The following SLC35B1 variants were observed in gnomAD, a reference collection of about 807,000 sequenced individuals.
SLC35B1 encodes the protein solute carrier family 35 member B1, also known as ATP/ADP exchanger ER.
SLC35B1 carries 27 observed loss-of-function variants against 36.6 expected under a neutral mutation model. That is an observed-to-expected ratio of 0.74 (90% CI 0.54 to 1.02). The LOEUF is 1.02. Among genes scored for constraint, SLC35B1 ranks in the 50% least tolerant of loss-of-function variants. The pLI is 0.00. For synonymous variants in SLC35B1, 162 were observed against 152.5 expected (o/e 1.06, Z -0.46); for missense variants, 321 against 383.2 (o/e 0.84, Z 1.35).
At chr17:49,705,088 C>G (rs368030264) in intron 5 of SLC35B1, 36 bp downstream of exon 5, 55 of 1,609,254 alleles carry the variant, frequency 3.4e-5, no homozygotes, top group Non-Finnish European at 4.6e-5. Context: ...GTTAAGTTTG[C>G]TGGAAAAGGG....
In SLC35B1 at chr17:49,703,220, G is replaced by A. The variant is rs914630828; in HGVS notation, c.730C>T (p.Leu244=). The A allele has an allele frequency of 9.3e-6, 15 of 1,613,948 alleles. No individual in the cohort carries two copies. The highest frequency in any genetic ancestry group is 1.7e-4 in the Middle Eastern group (1 of 6,060). ...AGGGCACTGGTCAGCCCAAAGAGCA[G>A]GATGTTATAGATGATGGCAGGGTAC... ...ERYPAIIYNI[L]LFGLTSALGQ... Residue 244 remains leucine, a synonymous_variant, in exon 7 of 9, where the codon CTG becomes TTG. Coordinates refer to ENST00000240333, the MANE Select transcript of SLC35B1 (RefSeq NM_005827.4).
In SLC35B1 at chr17:49,706,956, G is replaced by C. The variant is rs777956020; in HGVS notation, c.208+9C>G. On this transcript the variant is annotated intron_variant, in intron 2 of 8. Transcript: ENST00000240333. Reference sequence around the variant, plus strand: ...GGGGTACCCAACAAATTACTATCTGGGTACTCACAGATCTTGGCAAACACA... The same window carrying C: ...GGGGTACCCAACAAATTACTATCTGCGTACTCACAGATCTTGGCAAACACA... 6.3e-6 allele frequency: 10 copies of C among 1,598,274 alleles called. No individual in the cohort carries two copies. Among genetic ancestry groups the C allele is most frequent in the Non-Finnish European group, 8.6e-6 (10 of 1,165,748 alleles).
chr17:49,704,241 G>A lies in SLC35B1; in HGVS notation c.529-15C>T. 2 of 1,612,108 alleles carry A rather than the reference G, an allele frequency of 1.2e-6. No homozygotes were observed. Among genetic ancestry groups the A allele is most frequent in the South Asian group, 1.1e-5 (1 of 91,012 alleles). On this transcript the variant is annotated splice_polypyrimidine_tract_variant and intron_variant, in intron 5 of 8. Transcript: ENST00000240333. ...AGCGATAATAGCTGGGAAAGAAAGGGTGCAGCCTGCAGTGAAGTGGCCAAC... is the reference window on the plus strand; with the variant it reads ...AGCGATAATAGCTGGGAAAGAAAGGATGCAGCCTGCAGTGAAGTGGCCAAC...
intron 6 of SLC35B1, 165 bp downstream of exon 6, chr17:49,703,935 T>G (rs551627797): frequency 1.3e-6 from 1 of 749,520 alleles, no homozygotes; most frequent in East Asian, 2.8e-5. Flanking sequence ...CAAATCCTGC[T>G]GGTGCAGGTT....
chr17:49,702,627 G>A, intron 8 of SLC35B1: 1 of 455,452 alleles, frequency 2.2e-6, no homozygotes, highest in Non-Finnish European at 4.0e-6. Context: ...AGCTACTCCG[G>A]ATGCTGAGGC....
chr17:49,702,884 C>T lies in SLC35B1; in HGVS notation c.890G>A (p.Trp297Ter). Residue 297 changes from tryptophan (W) to a stop codon, truncating the protein, a stop_gained, in exon 8 of 9, where the codon TGG (tryptophan) becomes TAG (stop). Transcript: ENST00000240333. LOFTEE classifies it high-confidence loss of function. Reference protein sequence around the residue: ...LFANPISPMQWVGTVLVFLGL... With the variant: ...LFANPISPMQ ...CAGGAACACAAGCACAGTGCCCACCCACTGCATGGGGCTGATGGGATTGGC... is the reference window on the plus strand; with the variant it reads ...CAGGAACACAAGCACAGTGCCCACCTACTGCATGGGGCTGATGGGATTGGC... 6.2e-7 allele frequency: 1 copy of T among 1,614,172 alleles called. No individual in the cohort carries two copies. Among genetic ancestry groups the T allele is most frequent in the Non-Finnish European group, 8.5e-7 (1 of 1,180,028 alleles).
Position 49,706,927 on chromosome 17 carries a change from T to C in SLC35B1, c.208+38A>G, listed in dbSNP as rs754795178. On this transcript the variant is annotated intron_variant, in intron 2 of 8. Transcript: ENST00000240333. Reference sequence around the variant, plus strand: ...CCCAGCATACTGAGGGAACTTGGGGTGGTGGGGTACCCAACAAATTACTAT... The same window carrying C: ...CCCAGCATACTGAGGGAACTTGGGGCGGTGGGGTACCCAACAAATTACTAT... 4.1e-6 allele frequency: 6 copies of C among 1,452,084 alleles called. No individual in the cohort carries two copies. In the Admixed American group the frequency reaches 6.7e-5, roughly 16 times the overall value. 89.9% of individuals were successfully genotyped at this position (1,452,084 alleles called of 1,614,324 possible). A position where few individuals can be genotyped will look rare whatever the true frequency, so the allele number is the denominator to read the frequency against.
At chr17:49,707,511 C>G (rs1167139272) in intron 1 of SLC35B1, 19 of 1,484,566 alleles carry the variant, frequency 1.3e-5, no homozygotes, top group African/African-American at 4.3e-5. Context: ...GGAAAAACAG[C>G]TAAGAAAAGA....
chr17:49,703,372 A>C, intron 6 of SLC35B1, 78 bp from the exon 7 acceptor site: 1 of 876,764 alleles, frequency 1.1e-6, no homozygotes, highest in Non-Finnish European at 1.9e-6. Context: ...ACACACACAC[A>C]CACAGACACT....
chr17:49,706,107 T>G, intron 3 of SLC35B1, 97 bp downstream of exon 3: 1 of 1,248,946 alleles, frequency 8.0e-7, no homozygotes, highest in Non-Finnish European at 1.1e-6. Flanking sequence ...GTTATCTTTT[T>G]TTTTTTTTTT....
chr17:49,702,891 TG>T lies in SLC35B1; in HGVS notation c.882del (p.Met295CysfsTer61). ...ACAAGCACAGTGCCCACCCACTGCA[TG>T]GGGCTGATGGGATTGGCGAAGAGGA... ...SVILFANPIS[P>X]MQWVGTVLVF... On this transcript the variant is annotated frameshift_variant, in exon 8 of 9. Coordinates refer to ENST00000240333, the MANE Select transcript of SLC35B1 (RefSeq NM_005827.4). LOFTEE classifies it high-confidence loss of function. 6.2e-7 allele frequency: 1 copy of T among 1,614,132 alleles called. No homozygotes were observed. The highest frequency in any genetic ancestry group is 8.5e-7 in the Non-Finnish European group (1 of 1,180,014).
At position 49,703,302 on chromosome 17, in the gene SLC35B1, G is replaced by A. The variant is rs1265354364; in HGVS notation, c.656-8C>T. On this transcript the variant is annotated splice_polypyrimidine_tract_variant and splice_region_variant and intron_variant, in intron 6 of 8. Transcript: ENST00000240333. ...CCCCAGTGAACAGGATTCCTGAGAAGACATGTCAACAAATGTACGGCGCAT... is the reference window on the plus strand; with the variant it reads ...CCCCAGTGAACAGGATTCCTGAGAAAACATGTCAACAAATGTACGGCGCAT... 4 of 1,590,940 alleles carry A rather than the reference G, an allele frequency of 2.5e-6. No homozygotes were observed. Among genetic ancestry groups the A allele is most frequent in the Middle Eastern group, 1.7e-4 (1 of 6,040 alleles).
At position 49,706,302 on chromosome 17, in the gene SLC35B1, G is replaced by A. The variant is rs373638982; in HGVS notation, c.241C>T (p.Arg81Cys). ...GCAGCATAGAGCCAGCTCCGGGTAC[G>A]ATCCACCCTGGCAGTGTCAAAAAAC... The part of the protein sequence containing the change: ...IQFFDTARVD[R>C]TRSWLYAACS... The change falls in exon 3 of 9, where the codon CGT (arginine) becomes TGT (cysteine). Residue 81 changes from arginine to cysteine, a missense_variant. Physicochemically the swap from Arg to Cys is radical, Grantham distance 180. Coordinates refer to ENST00000240333, the MANE Select transcript of SLC35B1 (RefSeq NM_005827.4). 4.1e-6 allele frequency: 6 copies of A among 1,469,430 alleles called. No homozygotes were observed. Among genetic ancestry groups the A allele is most frequent in the Admixed American group, 2.1e-5 (1 of 48,084 alleles). The allele number at this position is 1,469,430 out of a possible 1,614,324, so 91.0% of individuals were successfully genotyped here.
At chr17:49,707,974 G>T, upstream of SLC35B1, 1 of 1,529,158 alleles carries the variant, frequency 6.5e-7, no homozygotes. Context: ...TGTCCAGCAG[G>T]GCCCAGCAGT....
rs1009782342 is a variant in SLC35B1, at chr17:49,707,931, G to A, written c.-98C>T. ...CTCCAGCCGGACATCGCCGACCGGC[G>A]GCAGGGGCCTCATAGGAGCTGCATG... On this transcript the variant is annotated 5_prime_UTR_variant, in exon 1 of 9. Coordinates refer to ENST00000240333, the MANE Select transcript of SLC35B1 (RefSeq NM_005827.4). The A allele has an allele frequency of 6.4e-6, 10 of 1,564,190 alleles. No individual in the cohort carries two copies. The highest frequency in any genetic ancestry group is 8.7e-6 in the Non-Finnish European group (10 of 1,154,418).
chr17:49,701,789 G>C (rs971622632), intron 8 of SLC35B1: 1 of 362,228 alleles, frequency 2.8e-6, no homozygotes, highest in Non-Finnish European at 5.2e-6. Context: ...AAATTTAAGA[G>C]TCAAAACTTC....
intron 5 of SLC35B1, 142 bp downstream of exon 5, chr17:49,704,982 G>C: frequency 1.4e-6 from 1 of 729,734 alleles, no homozygotes; most frequent in East Asian, 2.5e-5. Context: ...TAGAGTCAGG[G>C]GCCTGCAGCA....
intron 3 of SLC35B1, 151 bp downstream of exon 3, chr17:49,706,053 C>T: frequency 3.1e-6 from 4 of 1,300,444 alleles, no homozygotes; most frequent in Middle Eastern, 2.1e-4. Context: ...CACCACTAAA[C>T]GTAAGTTCTA....
intron 4 of SLC35B1, 160 bp from the exon 5 acceptor site, chr17:49,705,441 A>G (rs905294671): frequency 4.7e-5 from 33 of 700,308 alleles, no homozygotes; most frequent in East Asian, 2.2e-4. Context: ...TGGCACCTAG[A>G]TAAGGATTGA....
Sources: gnomAD v4.1 joint callset for allele counts on GRCh38, gnomAD v4.1.1 for gene constraint, MANE v1.5 for transcripts, NCBI Gene and HGNC (gene_info 2026-07-23, HGNC 2026-07-21) for gene names.